KCNQ5: variants seen among roughly 807,000 people sequenced by gnomAD.
The protein encoded by KCNQ5 is potassium voltage-gated channel subfamily KQT member 5.
Under a neutral mutation model 98.2 loss-of-function variants are expected in KCNQ5, and 30 were observed. That is an observed-to-expected ratio of 0.31 (90% CI 0.23 to 0.41). The LOEUF (loss-of-function observed/expected upper bound fraction) is 0.41. Ranked by LOEUF, KCNQ5 falls within the 10% of genes least tolerant of loss-of-function variation. KCNQ5 has a pLI of 1.00. For synonymous variants in KCNQ5, 458 were observed against 449.4 expected (o/e 1.02, Z -0.24); for missense variants, 835 against 1,182.5 (o/e 0.71, Z 4.31).
intron 10 of KCNQ5, among the ~76,000 whole-genome samples, chr6:73,140,382 G>A (rs931242266): frequency 6.6e-6 from 1 of 152,072 alleles, no homozygotes; most frequent in African/African-American, 2.4e-5. Flanking sequence ...CATAATGATG[G>A]CCCAACTTCA....
intron 1 of KCNQ5, among the ~76,000 whole-genome samples, chr6:72,923,378 A>G (rs1290420600): frequency 6.6e-6 from 1 of 152,112 alleles, no homozygotes; most frequent in Admixed American, 6.5e-5. Flanking sequence ...CCTTTTCTCC[A>G]CATCCTCACC....
rs145385650 is a variant in KCNQ5, at chr6:73,041,641, C to T, written c.490-295C>T. Reference sequence around the variant, plus strand: ...AGTCAGCTACACTATAAATTCCAGACGAGACAGATCCATTATTCAGCCTGC... The same window carrying T: ...AGTCAGCTACACTATAAATTCCAGATGAGACAGATCCATTATTCAGCCTGC... On this transcript the variant is annotated intron_variant, in intron 2 of 13. Coordinates refer to ENST00000370398, the MANE Select transcript of KCNQ5 (RefSeq NM_019842.4). 2.1e-3 allele frequency among the ~76,000 whole-genome samples: 322 copies of T among 152,196 alleles called. 1 individual carries two copies. The highest frequency in any genetic ancestry group is 7.2e-3 in the African/African-American group (300 of 41,520).
chr6:73,027,658 C>T (rs923326243), intron 2 of KCNQ5, among the ~76,000 whole-genome samples: 2 of 152,160 alleles, frequency 1.3e-5, no homozygotes, highest in Non-Finnish European at 2.9e-5. Context: ...AGTGTTTCCT[C>T]TTAACTATGC....
At chr6:73,028,657 T>A (rs2150345930) in intron 2 of KCNQ5, among the ~76,000 whole-genome samples, 1 of 152,324 alleles carries the variant, frequency 6.6e-6, no homozygotes, top group Non-Finnish European at 1.5e-5. Context: ...TCCAATACAT[T>A]CTTTTCTGGG....
chr6:72,684,337 G>C (rs943864106), intron 1 of KCNQ5, among the ~76,000 whole-genome samples: 5 of 152,226 alleles, frequency 3.3e-5, no homozygotes, highest in African/African-American at 1.2e-4. Flanking sequence ...CCAATTTTAA[G>C]GCACATCCAT....
At chr6:72,710,170 A>C (rs113015069) in intron 1 of KCNQ5, among the ~76,000 whole-genome samples, 2 of 152,128 alleles carry the variant, frequency 1.3e-5, no homozygotes, top group Non-Finnish European at 2.9e-5. Flanking sequence ...AAGATGTTAA[A>C]AGAATGGACA....
At chr6:72,638,168 C>T (rs567217850) in intron 1 of KCNQ5, among the ~76,000 whole-genome samples, 2 of 152,296 alleles carry the variant, frequency 1.3e-5, no homozygotes, top group South Asian at 4.1e-4. Context: ...GTAGTTCAGG[C>T]TACCAGTTTG....
chr6:72,921,633 A>C (rs1200772109), intron 1 of KCNQ5, among the ~76,000 whole-genome samples: 1 of 152,188 alleles, frequency 6.6e-6, no homozygotes, highest in South Asian at 2.1e-4. Context: ...GGAAAATAAG[A>C]GAATCTACTT....
chr6:72,698,648 C>CTTTTTTTTTTTTTTTTTTTTTT (rs753567095), intron 1 of KCNQ5, among the ~76,000 whole-genome samples: 1 of 94,002 alleles, frequency 1.1e-5, no homozygotes, highest in African/African-American at 3.6e-5. Context: ...TCTTCTTCTT[C>CTTTTTTTTTTTTTTTTTTTTTT]TTTTTTTTTT....
chr6:72,725,978 T>C (rs113273282), intron 1 of KCNQ5, among the ~76,000 whole-genome samples: 1 of 152,204 alleles, frequency 6.6e-6, no homozygotes, highest in Non-Finnish European at 1.5e-5. Context: ...TGCATCACAG[T>C]CATAGCTTTC....
At chr6:73,059,959 T>C (rs1300036679) in intron 3 of KCNQ5, among the ~76,000 whole-genome samples, 2 of 152,208 alleles carry the variant, frequency 1.3e-5, no homozygotes, top group African/African-American at 2.4e-5. Flanking sequence ...CTGAGACCAA[T>C]ACTAATTATA....
At chr6:72,647,444 A>T (rs776214425) in intron 1 of KCNQ5, among the ~76,000 whole-genome samples, 3 of 152,060 alleles carry the variant, frequency 2.0e-5, no homozygotes, top group Non-Finnish European at 4.4e-5. Flanking sequence ...CCCAGAAAAA[A>T]CAAAACAAAA....
intron 1 of KCNQ5, among the ~76,000 whole-genome samples, chr6:72,681,963 G>A (rs899270742): frequency 4.6e-4 from 70 of 152,138 alleles, no homozygotes; most frequent in Non-Finnish European, 3.7e-4. Flanking sequence ...AAAAATCCTG[G>A]AGTTCCCCAG....
chr6:72,708,861 A>G (rs1769221142), intron 1 of KCNQ5, among the ~76,000 whole-genome samples: 1 of 152,178 alleles, frequency 6.6e-6, no homozygotes, highest in South Asian at 2.1e-4. Flanking sequence ...TTGAAAAACA[A>G]ATCAAAATGG....
chr6:72,934,757 C>T (rs117560445), intron 1 of KCNQ5, among the ~76,000 whole-genome samples: 146 of 152,280 alleles, frequency 9.6e-4, no homozygotes, highest in Non-Finnish European at 1.5e-3. Context: ...GCTCTCATAG[C>T]TCAGCTATGT....
chr6:72,851,199 A>G (rs899064489), intron 1 of KCNQ5, among the ~76,000 whole-genome samples: 21 of 152,182 alleles, frequency 1.4e-4, no homozygotes, highest in African/African-American at 4.8e-4. Context: ...AAGGTTTTTT[A>G]ATGGACTCAG....
intron 1 of KCNQ5, among the ~76,000 whole-genome samples, chr6:72,997,186 G>T (rs1466181232): frequency 6.6e-6 from 1 of 152,118 alleles, no homozygotes; most frequent in Non-Finnish European, 1.5e-5. Flanking sequence ...TGTCCTCAAA[G>T]GGAGACTGAA....
At chr6:73,167,462 TA>T (rs1258725847) in intron 10 of KCNQ5, among the ~76,000 whole-genome samples, 3 of 152,216 alleles carry the variant, frequency 2.0e-5, no homozygotes, top group East Asian at 3.9e-4. Flanking sequence ...CTCTGCAACT[TA>T]CTAGCTCCGC....
chr6:73,110,449 A>C (rs1345891865), intron 6 of KCNQ5, among the ~76,000 whole-genome samples: 1 of 152,216 alleles, frequency 6.6e-6, no homozygotes, highest in Non-Finnish European at 1.5e-5. Flanking sequence ...GAATTTTGGC[A>C]GATCAAGATG....
Sources: allele counts gnomAD v4.1 joint callset (sites outside exome capture counted in the v4.1 genomes callset), GRCh38; gene constraint gnomAD v4.1.1; transcripts MANE v1.5; gene names NCBI Gene and HGNC (gene_info 2026-07-23, HGNC 2026-07-21).